The following CFAP263 variants were observed in gnomAD, a reference collection of about 807,000 sequenced individuals.
CFAP263 encodes the protein cilia- and flagella-associated protein 263.
At chr16:58,258,514 C>T in the CFAP263 span, 3 of 1,613,706 alleles carry the variant, frequency 1.9e-6, no homozygotes, top group East Asian at 4.5e-5. Context: ...AGGACATGAA[C>T]CGCCGGAGGG....
the CFAP263 span, chr16:58,280,662 GCCAGGGCACGTCTCA>G: frequency 2.5e-6 from 4 of 1,613,996 alleles, no homozygotes; most frequent in Non-Finnish European, 3.4e-6. Flanking sequence ...ACAGAAACAG[GCCAGGGCACGTCTCA>G]CCACCGAAGT....
At chr16:58,251,355 T>G in the CFAP263 span, among the ~76,000 whole-genome samples, 1 of 152,226 alleles carries the variant, frequency 6.6e-6, no homozygotes, top group African/African-American at 2.4e-5. Flanking sequence ...TGATAGATTG[T>G]GTTTTCCATT....
At chr16:58,256,341 G>T in the CFAP263 span, among the ~76,000 whole-genome samples, 1 of 152,194 alleles carries the variant, frequency 6.6e-6, no homozygotes, top group Admixed American at 6.5e-5. Context: ...ATCAGTATGG[G>T]CTAGAGTGGT....
the CFAP263 span, among the ~76,000 whole-genome samples, chr16:58,279,307 A>C: frequency 6.6e-6 from 1 of 152,162 alleles, no homozygotes; most frequent in African/African-American, 2.4e-5. Flanking sequence ...TTTCACATCT[A>C]GACCCTGGCT....
chr16:58,281,002 A>G, the CFAP263 span: 3 of 485,070 alleles, frequency 6.2e-6, no homozygotes, highest in Non-Finnish European at 3.6e-6. Context: ...TTCCTGGTTC[A>G]TATTTCATTT....
the CFAP263 span, among the ~76,000 whole-genome samples, chr16:58,252,168 T>C: frequency 1.3e-5 from 2 of 152,046 alleles, no homozygotes; most frequent in Non-Finnish European, 2.9e-5. Context: ...CAGGAGTTCA[T>C]GGCCAGCCTT....
chr16:58,275,669 A>G, the CFAP263 span, among the ~76,000 whole-genome samples: 11 of 152,322 alleles, frequency 7.2e-5, no homozygotes, highest in East Asian at 9.6e-4. Context: ...AAGTATACAA[A>G]TATTTGATAA....
chr16:58,253,850 A>T, the CFAP263 span: 1 of 769,238 alleles, frequency 1.3e-6, no homozygotes, highest in Non-Finnish European at 2.2e-6. Context: ...CAGGCCTAAT[A>T]TCCAGCATCC....
chr16:58,280,239 A>G, the CFAP263 span: 1 of 1,611,992 alleles, frequency 6.2e-7, no homozygotes, highest in South Asian at 1.1e-5. Flanking sequence ...TACTGCTGCA[A>G]AAGAAAACAA....
chr16:58,258,170 G>T, the CFAP263 span, among the ~76,000 whole-genome samples: 2 of 151,552 alleles, frequency 1.3e-5, no homozygotes, highest in Non-Finnish European at 2.9e-5. Flanking sequence ...TCTTTTTATG[G>T]ATTCTATTTT....
At chr16:58,269,351 A>C in the CFAP263 span, among the ~76,000 whole-genome samples, 5 of 139,364 alleles carry the variant, frequency 3.6e-5, no homozygotes, top group Non-Finnish European at 7.8e-5. Context: ...AAAACAAAAA[A>C]AACTACTTAA....
the CFAP263 span, among the ~76,000 whole-genome samples, chr16:58,268,088 G>A: frequency 6.7e-6 from 1 of 149,774 alleles, no homozygotes; most frequent in Non-Finnish European, 1.5e-5. Context: ...ACATCTCGCC[G>A]ATACCCAGGC....
the CFAP263 span, among the ~76,000 whole-genome samples, chr16:58,273,816 G>C: frequency 1.3e-5 from 2 of 152,074 alleles, no homozygotes; most frequent in Non-Finnish European, 2.9e-5. Context: ...CCTTTCTTGG[G>C]CTTGTCATTG....
chr16:58,255,724 G>A, the CFAP263 span, among the ~76,000 whole-genome samples: 19 of 151,840 alleles, frequency 1.3e-4, no homozygotes, highest in Admixed American at 1.2e-3. Context: ...ACCACACCCA[G>A]CTAATTTTTT....
At chr16:58,262,445 G>A in the CFAP263 span, 3 of 1,612,932 alleles carry the variant, frequency 1.9e-6, no homozygotes, top group African/African-American at 1.3e-5. Context: ...GATAGAGAAC[G>A]CTCAATTTCT....
At chr16:58,273,054 C>G in the CFAP263 span, among the ~76,000 whole-genome samples, 1 of 152,174 alleles carries the variant, frequency 6.6e-6, no homozygotes, top group Middle Eastern at 3.4e-3. Flanking sequence ...AGCTGTTAAT[C>G]TTGTTGGGCT....
At chr16:58,266,393 A>T in the CFAP263 span, among the ~76,000 whole-genome samples, 1 of 33,704 alleles carries the variant, frequency 3.0e-5, no homozygotes, top group African/African-American at 1.4e-4. Flanking sequence ...ATATATATAT[A>T]TATATATATA....
chr16:58,251,908 C>T, the CFAP263 span, among the ~76,000 whole-genome samples: 1 of 152,190 alleles, frequency 6.6e-6, no homozygotes, highest in Non-Finnish European at 1.5e-5. Flanking sequence ...TTGGCATATA[C>T]AGGATAAACT....
the CFAP263 span, among the ~76,000 whole-genome samples, chr16:58,261,446 C>T: frequency 8.1e-4 from 123 of 152,244 alleles, 2 homozygotes; most frequent in East Asian, 0.019. Flanking sequence ...ACCTTAATGC[C>T]GCTGCTACAC....
Sources: allele counts gnomAD v4.1 joint callset (sites outside exome capture counted in the v4.1 genomes callset), GRCh38; gene constraint gnomAD v4.1.1; transcripts MANE v1.5; gene names NCBI Gene and HGNC (gene_info 2026-07-23, HGNC 2026-07-21).